Variants in COMMD10 observed in about 807,000 individuals in gnomAD.
The protein encoded by COMMD10 is COMM domain-containing protein 10.
Under a neutral mutation model 28.9 loss-of-function variants are expected in COMMD10, and 33 were observed. The ratio of observed to expected loss-of-function variants is 1.14; its 90% CI spans 0.87 to 1.53. The LOEUF is 1.53. Among genes scored for constraint, COMMD10 ranks in the 40% most tolerant of loss-of-function variants. The probability of loss-of-function intolerance (pLI) is 0.00; values close to 1 mark genes in which losing one functional copy is unlikely to be tolerated. For missense variants in COMMD10, 310 were observed against 233.4 expected (o/e 1.33, Z -2.14); for synonymous variants, 110 against 81.7 (o/e 1.35, Z -1.87).
chr5:116,107,732 A>C (rs1750889171), intron 4 of COMMD10, among the ~76,000 whole-genome samples: 1 of 150,574 alleles, frequency 6.6e-6, no homozygotes, highest in South Asian at 2.1e-4. Flanking sequence ...GCTGGCGAGG[A>C]GTTGTGATCC....
rs565129535 is a variant in COMMD10, at chr5:116,226,286, A to G, written c.511-65231A>G. On this transcript the variant is annotated intron_variant, in intron 5 of 6. Transcript: ENST00000274458. ...TCAGAAGTTAAACTACTTCATCCCT[A>G]TTGATTTCAAATAGTACATTTAAAA... Among the ~76,000 whole-genome samples, 4 of 152,090 alleles carry G rather than the reference A, an allele frequency of 2.6e-5. No homozygotes were observed. The South Asian group carries it at 6.2e-4, about 24-fold the overall frequency.
At chr5:116,241,583 CTTAT>C (rs61328599) in intron 5 of COMMD10, among the ~76,000 whole-genome samples, 7,145 of 140,422 alleles carry the variant, frequency 0.051, 166 homozygotes, top group African/African-American at 0.065. Flanking sequence ...ACTCTGCTTT[CTTAT>C]TTATTTATTT....
chr5:116,233,470 C>T lies in COMMD10; in HGVS notation c.511-58047C>T, dbSNP rs1471716518. On this transcript the variant is annotated intron_variant, in intron 5 of 6. Transcript: ENST00000274458. ...ATAACAGTTTATGAAAGTCCTTGACCCTTGTGAAGTCTGTATTCTAGTAGA... is the reference window on the plus strand; with the variant it reads ...ATAACAGTTTATGAAAGTCCTTGACTCTTGTGAAGTCTGTATTCTAGTAGA... Among the ~76,000 whole-genome samples the T allele has an allele frequency of 1.1e-4, 17 of 152,010 alleles. 1 individual carries two copies. The highest frequency in any genetic ancestry group is 1.1e-3 in the Admixed American group (17 of 15,246).
intron 5 of COMMD10, among the ~76,000 whole-genome samples, chr5:116,246,528 C>T (rs190253564): frequency 1.7e-4 from 25 of 150,984 alleles, no homozygotes; most frequent in African/African-American, 6.1e-4. Flanking sequence ...ACTGAATAGC[C>T]AAAGCAATTT....
At chr5:116,237,822 CTCTGA>C (rs1215245021) in intron 5 of COMMD10, among the ~76,000 whole-genome samples, 2 of 152,082 alleles carry the variant, frequency 1.3e-5, no homozygotes, top group East Asian at 3.9e-4. Flanking sequence ...AATCTTAAAT[CTCTGA>C]TCTGTACTAA....
At chr5:116,246,980 A>T (rs1289416019) in intron 5 of COMMD10, among the ~76,000 whole-genome samples, 1 of 152,140 alleles carries the variant, frequency 6.6e-6, no homozygotes, top group Non-Finnish European at 1.5e-5. Context: ...GATAAATGCG[A>T]TCTGATTAAA....
At chr5:116,227,548 C>A (rs763608699) in intron 5 of COMMD10, among the ~76,000 whole-genome samples, 3 of 152,032 alleles carry the variant, frequency 2.0e-5, no homozygotes, top group Non-Finnish European at 2.9e-5. Context: ...GTTTTGTCTC[C>A]TCTGCCACAG....
intron 4 of COMMD10, among the ~76,000 whole-genome samples, chr5:116,098,554 T>C (rs183546783): frequency 2.3e-3 from 350 of 152,370 alleles, no homozygotes; most frequent in African/African-American, 8.2e-3. Context: ...GTTGTCATTG[T>C]ATTAGTTATT....
intron 5 of COMMD10, among the ~76,000 whole-genome samples, chr5:116,215,313 A>C (rs1037526561): frequency 7.2e-5 from 11 of 152,110 alleles, no homozygotes; most frequent in Non-Finnish European, 1.3e-4. Context: ...AATACTTCAA[A>C]ATATTTTAAG....
intron 5 of COMMD10, among the ~76,000 whole-genome samples, chr5:116,152,554 T>C (rs1443270447): frequency 6.8e-6 from 1 of 147,216 alleles, no homozygotes; most frequent in Non-Finnish European, 1.5e-5. Context: ...AACACCCCAT[T>C]GAGGCAAGCA....
intron 4 of COMMD10, among the ~76,000 whole-genome samples, chr5:116,103,913 C>A (rs915842867): frequency 1.3e-5 from 2 of 152,202 alleles, no homozygotes; most frequent in African/African-American, 4.8e-5. Flanking sequence ...GGAATCCCTT[C>A]CCCATTTCTT....
At chr5:116,274,504 C>T (rs1171661347) in intron 5 of COMMD10, among the ~76,000 whole-genome samples, 3 of 151,748 alleles carry the variant, frequency 2.0e-5, no homozygotes, top group African/African-American at 7.3e-5. Context: ...ACTTGGCCTG[C>T]GGACTATCAA....
At chr5:116,181,008 A>G (rs1288276071) in intron 5 of COMMD10, among the ~76,000 whole-genome samples, 2 of 152,046 alleles carry the variant, frequency 1.3e-5, no homozygotes, top group Non-Finnish European at 1.5e-5. Context: ...CCTGGGCATG[A>G]TGACACACAC....
chr5:116,169,341 T>G (rs778633678), intron 5 of COMMD10, among the ~76,000 whole-genome samples: 45 of 152,084 alleles, frequency 3.0e-4, no homozygotes, highest in Middle Eastern at 3.4e-3. Context: ...GTTCTGAAAT[T>G]GAGTCAATAA....
intron 5 of COMMD10, among the ~76,000 whole-genome samples, chr5:116,157,568 C>T (rs1177470681): frequency 1.3e-5 from 2 of 152,154 alleles, no homozygotes; most frequent in African/African-American, 2.4e-5. Flanking sequence ...TGGTACAGAA[C>T]AGGCACACCG....
At position 116,252,625 on chromosome 5, in the gene COMMD10, T is replaced by C. The variant is rs879395727; in HGVS notation, c.511-38892T>C. Among the ~76,000 whole-genome samples, 237 of 124,756 alleles carry C rather than the reference T, an allele frequency of 1.9e-3. 5 individuals are homozygous for C. Among genetic ancestry groups the C allele is most frequent in the Non-Finnish European group, 3.5e-3 (208 of 59,462 alleles). The allele number at this position is 124,756 out of a possible 152,430, so 81.8% of individuals were successfully genotyped here. On this transcript the variant is annotated intron_variant, in intron 5 of 6. Coordinates refer to ENST00000274458, the MANE Select transcript of COMMD10 (RefSeq NM_016144.4). The stretch of plus-strand genomic sequence containing the variant: ...AGATAGTTGTAGCTATGTGGCATTA[T>C]TTCTGAGGGCTCTGTTCTGTTCCAT...
intron 1 of COMMD10, 196 bp downstream of exon 1, chr5:116,085,289 G>T (rs1350154656): frequency 3.4e-6 from 2 of 588,492 alleles, no homozygotes; most frequent in East Asian, 6.2e-5. Context: ...CTACAGTCAC[G>T]GTGGTCCACC....
chr5:116,164,940 T>C (rs1212315862), intron 5 of COMMD10, among the ~76,000 whole-genome samples: 2 of 152,192 alleles, frequency 1.3e-5, no homozygotes, highest in African/African-American at 4.8e-5. Context: ...AAAGTACCCA[T>C]GAAGACTTGG....
intron 5 of COMMD10, among the ~76,000 whole-genome samples, chr5:116,165,180 C>G (rs1302889382): frequency 6.6e-6 from 1 of 152,154 alleles, no homozygotes. Flanking sequence ...TGAGAAAAGT[C>G]TGAATTATCT....
Sources: allele counts gnomAD v4.1 joint callset (sites outside exome capture counted in the v4.1 genomes callset), GRCh38; gene constraint gnomAD v4.1.1; transcripts MANE v1.5; gene names NCBI Gene and HGNC (gene_info 2026-07-23, HGNC 2026-07-21).